MDGA2: variants seen among roughly 807,000 people sequenced by gnomAD.
MDGA2 encodes the protein MAM domain-containing glycosylphosphatidylinositol anchor protein 2.
MDGA2 carries 40 observed loss-of-function variants against 117.8 expected under a neutral mutation model. That is an observed-to-expected ratio of 0.34 (90% CI 0.26 to 0.44). The LOEUF is 0.44. MDGA2 is among the 20% of genes least tolerant of loss of function. The probability of loss-of-function intolerance (pLI) is 1.00; values close to 1 mark genes in which losing one functional copy is unlikely to be tolerated. For synonymous variants in MDGA2, 452 were observed against 439.0 expected (o/e 1.03, Z -0.37); for missense variants, 1,123 against 1,250.6 (o/e 0.90, Z 1.54).
chr14:47,586,664 C>T (rs1955796), intron 1 of MDGA2, among the ~76,000 whole-genome samples: 42,795 of 151,696 alleles, frequency 0.28, 6,602 homozygotes, highest in Non-Finnish European at 0.35. Flanking sequence ...TTGAGGGCAG[C>T]TCTAGGGTAT....
intron 8 of MDGA2, among the ~76,000 whole-genome samples, chr14:47,034,304 T>C (rs919777190): frequency 6.6e-6 from 1 of 152,158 alleles, no homozygotes; most frequent in African/African-American, 2.4e-5. Flanking sequence ...GTCCATAATA[T>C]CTACATTTTT....
chr14:47,412,501 C>T (rs949130135), intron 1 of MDGA2, among the ~76,000 whole-genome samples: 4 of 152,066 alleles, frequency 2.6e-5, no homozygotes, highest in Non-Finnish European at 4.4e-5. Context: ...AGGTGGGTCT[C>T]GAAATCCTGG....
intron 1 of MDGA2, among the ~76,000 whole-genome samples, chr14:47,375,900 TGGGTAA>T: frequency 6.6e-6 from 1 of 152,254 alleles, no homozygotes; most frequent in East Asian, 1.9e-4. Flanking sequence ...TGGCCCACAG[TGGGTAA>T]TCTATTACCT....
At chr14:47,109,684 C>T (rs1647964920) in intron 5 of MDGA2, among the ~76,000 whole-genome samples, 1 of 152,200 alleles carries the variant, frequency 6.6e-6, no homozygotes, top group South Asian at 2.1e-4. Context: ...TGATGGCTCA[C>T]ACTTGTAATC....
chr14:46,952,227 A>G (rs1039348124), intron 9 of MDGA2, among the ~76,000 whole-genome samples: 1 of 149,030 alleles, frequency 6.7e-6, no homozygotes, highest in African/African-American at 2.5e-5. Context: ...GTTATTTTCA[A>G]TGAAATCCAA....
At chr14:47,307,383 T>C (rs1359610600) in intron 1 of MDGA2, among the ~76,000 whole-genome samples, 2 of 152,128 alleles carry the variant, frequency 1.3e-5, no homozygotes, top group Admixed American at 6.6e-5. Flanking sequence ...TGTTTTATTA[T>C]CAAAAAATTT....
At chr14:47,627,466 A>G (rs183178563) in intron 1 of MDGA2, among the ~76,000 whole-genome samples, 64 of 151,954 alleles carry the variant, frequency 4.2e-4, no homozygotes, top group Middle Eastern at 3.5e-3. Flanking sequence ...GAATGCACCA[A>G]TCGCACTCTG....
chr14:47,275,805 A>T (rs1888294179), intron 2 of MDGA2, among the ~76,000 whole-genome samples: 1 of 152,148 alleles, frequency 6.6e-6, no homozygotes, highest in African/African-American at 2.4e-5. Flanking sequence ...ATCTTATCTT[A>T]CAGGAGAGAA....
intron 1 of MDGA2, among the ~76,000 whole-genome samples, chr14:47,440,004 G>A (rs1189507500): frequency 6.6e-6 from 1 of 151,876 alleles, no homozygotes; most frequent in Admixed American, 6.6e-5. Context: ...TGCACCTGGT[G>A]TGCACTGTTC....
chr14:47,383,192 C>G lies in MDGA2; in HGVS notation c.281-81642G>C, dbSNP rs376219416. 4.0e-5 allele frequency among the ~76,000 whole-genome samples: 6 copies of G among 151,730 alleles called. No homozygotes were observed. The East Asian group carries it at 1.2e-3, about 29-fold the overall frequency. ...ACACAGGATGGGGATTATCACACAC[C>G]GGAGCCTGTCAGGGGATGGGGGAGG... On this transcript the variant is annotated intron_variant, in intron 1 of 16. Transcript: ENST00000399232.
chr14:46,887,190 A>T (rs1882708408), intron 10 of MDGA2, among the ~76,000 whole-genome samples: 1 of 152,008 alleles, frequency 6.6e-6, no homozygotes, highest in Admixed American at 6.6e-5. Context: ...TACATCTATT[A>T]GTCTTTACCA....
At chr14:47,655,555 A>C (rs1395893013) in intron 1 of MDGA2, among the ~76,000 whole-genome samples, 1 of 152,024 alleles carries the variant, frequency 6.6e-6, no homozygotes, top group Non-Finnish European at 1.5e-5. Flanking sequence ...GAAAATAGAC[A>C]CCTCCTCAGT....
chr14:46,858,395 C>CT (rs946197971), intron 14 of MDGA2, among the ~76,000 whole-genome samples: 2 of 147,966 alleles, frequency 1.4e-5, no homozygotes, highest in Non-Finnish European at 3.0e-5. Flanking sequence ...ATTTATAATA[C>CT]TTTTTTTCTT....
chr14:47,338,950 C>T (rs898808786), intron 1 of MDGA2, among the ~76,000 whole-genome samples: 1 of 152,050 alleles, frequency 6.6e-6, no homozygotes, highest in Non-Finnish European at 1.5e-5. Flanking sequence ...ATTTAATTAT[C>T]ACAGTACTAT....
rs186455088 is a variant in MDGA2 at position 47,003,180 on chromosome 14, A to G, written c.1819+31831T>C. 5.3e-5 allele frequency among the ~76,000 whole-genome samples: 8 copies of G among 152,256 alleles called. No homozygotes were observed. In the East Asian group the frequency reaches 1.2e-3, roughly 22 times the overall value. ...TTCATATGTGTTGTTGCGTGTGTCC[A>G]TGATTGAAGTTTGTTTCCTTCATCT... is the stretch of plus-strand genomic sequence containing the variant. On this transcript the variant is annotated intron_variant, in intron 8 of 16. Coordinates refer to ENST00000399232, the MANE Select transcript of MDGA2 (RefSeq NM_001113498.3).
chr14:47,101,588 C>G (rs1054162327), intron 5 of MDGA2, among the ~76,000 whole-genome samples: 1 of 152,134 alleles, frequency 6.6e-6, no homozygotes, highest in Non-Finnish European at 1.5e-5. Flanking sequence ...TCCAGGGAGA[C>G]AGCTCCCAGT....
intron 2 of MDGA2, among the ~76,000 whole-genome samples, chr14:47,222,349 G>A (rs1187933889): frequency 1.3e-5 from 2 of 151,870 alleles, no homozygotes; most frequent in Non-Finnish European, 2.9e-5. Context: ...CTAACAGGGA[G>A]AGAAAGACAT....
intron 3 of MDGA2, among the ~76,000 whole-genome samples, chr14:47,176,732 C>T (rs994889511): frequency 1.6e-4 from 25 of 152,208 alleles, no homozygotes; most frequent in African/African-American, 5.3e-4. Context: ...ATTCAGGACA[C>T]AGGCATGGGC....
intron 5 of MDGA2, among the ~76,000 whole-genome samples, chr14:47,103,609 C>A (rs574583551): frequency 6.6e-6 from 1 of 152,278 alleles, no homozygotes; most frequent in South Asian, 2.1e-4. Context: ...GATATTGAAG[C>A]CAACATGCAT....
Sources: gnomAD v4.1 joint callset for allele counts (sites outside exome capture counted in the v4.1 genomes callset) on GRCh38, gnomAD v4.1.1 for gene constraint, MANE v1.5 for transcripts, NCBI Gene and HGNC (gene_info 2026-07-23, HGNC 2026-07-21) for gene names.